Variants in SLC44A5 observed in about 807,000 individuals in gnomAD.
SLC44A5 encodes choline transporter-like protein 5.
Under a neutral mutation model 101.8 loss-of-function variants are expected in SLC44A5, and 57 were observed. The ratio of observed to expected loss-of-function variants is 0.56; its 90% CI spans 0.45 to 0.70. SLC44A5 has a LOEUF of 0.70. Among genes scored for constraint, SLC44A5 ranks in the 30% least tolerant of loss-of-function variants. The pLI, the probability that SLC44A5 is intolerant of heterozygous loss-of-function variation, is 0.00. For synonymous variants in SLC44A5, 281 were observed against 290.9 expected (o/e 0.97, Z 0.35); for missense variants, 737 against 853.1 (o/e 0.86, Z 1.70).
chr1:75,698,720 A>G, the SLC44A5 span, among the ~76,000 whole-genome samples: 1 of 152,336 alleles, frequency 6.6e-6, no homozygotes, highest in Non-Finnish European at 1.5e-5. Context: ...ACAGGAGGAC[A>G]CTCAAACCAA....
rs185228970 is a variant in SLC44A5, at chr1:75,313,786, C to T, written c.102-13101G>A. Among the ~76,000 whole-genome samples the T allele has an allele frequency of 4.6e-5, 7 of 152,016 alleles. No individual in the cohort carries two copies. In the East Asian group the frequency reaches 1.4e-3, roughly 29 times the overall value. ...GAAAATGAGAGGAAGCAGTAGGGCT[C>T]CTGATGAAAATCCGAAGTTATTAAA... On this transcript the variant is annotated intron_variant, in intron 4 of 23. Transcript: ENST00000370859.
chr1:75,718,961 A>G, the SLC44A5 span, among the ~76,000 whole-genome samples: 77 of 152,336 alleles, frequency 5.1e-4, 1 homozygote, highest in Admixed American at 3.3e-3. Context: ...TTATGTACAT[A>G]TGTTCAATAT....
the SLC44A5 span, among the ~76,000 whole-genome samples, chr1:75,661,458 T>C: frequency 7.0e-6 from 1 of 143,820 alleles, no homozygotes; most frequent in South Asian, 2.2e-4. Flanking sequence ...GCAAAGATTT[T>C]TGGGGTAAGA....
the SLC44A5 span, among the ~76,000 whole-genome samples, chr1:75,704,555 A>G: frequency 2.0e-5 from 3 of 152,180 alleles, no homozygotes; most frequent in Admixed American, 1.3e-4. Flanking sequence ...CACCTATTTC[A>G]TTACATTTCC....
intron 3 of SLC44A5, among the ~76,000 whole-genome samples, chr1:75,376,928 A>G (rs1660667237): frequency 6.6e-6 from 1 of 152,124 alleles, no homozygotes; most frequent in Non-Finnish European, 1.5e-5. Flanking sequence ...GAAAACTTTG[A>G]AAAAAATTTA....
At position 75,234,102 on chromosome 1, in the gene SLC44A5, G is replaced by GA. The variant is rs1485212922; in HGVS notation, c.741-5dup. 3.7e-6 allele frequency: 6 copies of GA among 1,606,148 alleles called. No individual in the cohort carries two copies. The highest frequency in any genetic ancestry group is 3.3e-5 in the South Asian group (3 of 90,862). On this transcript the variant is annotated splice_region_variant and splice_polypyrimidine_tract_variant and intron_variant, in intron 11 of 23. Coordinates refer to ENST00000370859, the MANE Select transcript of SLC44A5 (RefSeq NM_001130058.2). Reference sequence around the variant, plus strand: ...GACCATGGCAATCGTCAGGCCACTAGAAAAAACCCACAACAAACACAGTGG... The same window carrying GA: ...GACCATGGCAATCGTCAGGCCACTAGAAAAAAACCCACAACAAACACAGTGG...
intron 2 of SLC44A5, among the ~76,000 whole-genome samples, chr1:75,429,330 G>T (rs2101589630): frequency 6.6e-6 from 1 of 152,262 alleles, no homozygotes; most frequent in African/African-American, 2.4e-5. Context: ...ACAAGTTCTT[G>T]TTGGAGGAAT....
intron 1 of SLC44A5, among the ~76,000 whole-genome samples, chr1:75,570,383 A>T (rs1024868074): frequency 4.6e-5 from 7 of 152,224 alleles, no homozygotes; most frequent in African/African-American, 7.2e-5. Context: ...ACACAGAAGA[A>T]ATCAAAATAC....
At chr1:75,479,336 A>C (rs1667662558) in intron 2 of SLC44A5, among the ~76,000 whole-genome samples, 1 of 152,216 alleles carries the variant, frequency 6.6e-6, no homozygotes, top group African/African-American at 2.4e-5. Context: ...ATCACAATTA[A>C]AAGAACTAGA....
intron 1 of SLC44A5, among the ~76,000 whole-genome samples, chr1:75,609,954 G>A (rs1032849896): frequency 6.6e-6 from 1 of 151,888 alleles, no homozygotes; most frequent in South Asian, 2.1e-4. Flanking sequence ...TCTGGGTCGG[G>A]GCTATCATGA....
intron 1 of SLC44A5, among the ~76,000 whole-genome samples, chr1:75,546,138 G>GTTC (rs1346170205): frequency 1.3e-5 from 2 of 151,814 alleles, no homozygotes; most frequent in African/African-American, 4.8e-5. Context: ...TTTTTTGAAA[G>GTTC]TTCTTCTCCT....
intron 4 of SLC44A5, among the ~76,000 whole-genome samples, chr1:75,337,594 A>G (rs1389046831): frequency 1.3e-5 from 2 of 152,174 alleles, no homozygotes; most frequent in African/African-American, 2.4e-5. Context: ...TGGGGCCTGA[A>G]GATCTATTTT....
intron 2 of SLC44A5, among the ~76,000 whole-genome samples, chr1:75,512,072 A>G (rs561497577): frequency 1.3e-5 from 2 of 152,346 alleles, no homozygotes; most frequent in African/African-American, 2.4e-5. Flanking sequence ...CTTGGCCTCA[A>G]TAAATGAAAA....
chr1:75,452,674 C>A (rs1325212468), intron 2 of SLC44A5, among the ~76,000 whole-genome samples: 1 of 152,110 alleles, frequency 6.6e-6, no homozygotes, highest in Non-Finnish European at 1.5e-5. Flanking sequence ...TGTAATGACA[C>A]CCATAGGCTC....
intron 5 of SLC44A5, among the ~76,000 whole-genome samples, chr1:75,282,699 G>C (rs1312266280): frequency 6.6e-6 from 1 of 152,138 alleles, no homozygotes; most frequent in African/African-American, 2.4e-5. Context: ...GAACCATACA[G>C]ATCATGAGAT....
intron 2 of SLC44A5, among the ~76,000 whole-genome samples, chr1:75,512,824 A>ATATT (rs1303115961): frequency 1.4e-4 from 21 of 152,210 alleles, no homozygotes; most frequent in African/African-American, 4.3e-4. Flanking sequence ...CTATGGAATC[A>ATATT]TATCCCATAT....
At chr1:75,476,332 T>C (rs1335241074) in intron 2 of SLC44A5, among the ~76,000 whole-genome samples, 1 of 152,016 alleles carries the variant, frequency 6.6e-6, no homozygotes, top group East Asian at 1.9e-4. Flanking sequence ...ACGCAGAAGA[T>C]GGGTGATTTC....
At chr1:75,394,705 AC>A (rs1479661347) in intron 3 of SLC44A5, among the ~76,000 whole-genome samples, 1 of 152,024 alleles carries the variant, frequency 6.6e-6, no homozygotes, top group Non-Finnish European at 1.5e-5. Flanking sequence ...TCCCAAGCTT[AC>A]CCCCATTGTT....
At chr1:75,390,856 A>G (rs1661738728) in intron 3 of SLC44A5, among the ~76,000 whole-genome samples, 1 of 152,166 alleles carries the variant, frequency 6.6e-6, no homozygotes, top group African/African-American at 2.4e-5. Flanking sequence ...CAATCAGGTG[A>G]GAGAACAAAA....
Sources: allele counts gnomAD v4.1 joint callset (sites outside exome capture counted in the v4.1 genomes callset), GRCh38; gene constraint gnomAD v4.1.1; transcripts MANE v1.5; gene names NCBI Gene and HGNC (gene_info 2026-07-23, HGNC 2026-07-21).